KCNN2: variants seen among roughly 807,000 people sequenced by gnomAD.
KCNN2 encodes the protein small conductance calcium-activated potassium channel protein 2.
KCNN2 carries 24 observed loss-of-function variants against 55.5 expected under a neutral mutation model. The ratio of observed to expected loss-of-function variants is 0.43; its 90% CI spans 0.31 to 0.61. KCNN2 has a LOEUF of 0.61. KCNN2 is among the 20% of genes least tolerant of loss of function. KCNN2 has a pLI of 0.08. For missense variants in KCNN2, 754 were observed against 853.6 expected, an observed-to-expected ratio of 0.88 and a Z score of 1.45; for synonymous variants, 431 against 336.1, an observed-to-expected ratio of 1.28 and a Z score of -3.09.
chr5:114,150,289 C>T (rs919063898), intron 1 of KCNN2, among the ~76,000 whole-genome samples: 11 of 152,088 alleles, frequency 7.2e-5, no homozygotes, highest in African/African-American at 2.7e-4. Flanking sequence ...GGTACTGGTA[C>T]CAAAACAGAG....
At chr5:114,114,559 A>G (rs1751675086) in intron 1 of KCNN2, among the ~76,000 whole-genome samples, 1 of 152,042 alleles carries the variant, frequency 6.6e-6, no homozygotes, top group African/African-American at 2.4e-5. Context: ...GGTACTGTTA[A>G]AGGTTCTAGG....
chr5:114,458,635 C>T (rs918929101), intron 3 of KCNN2, among the ~76,000 whole-genome samples: 2 of 152,142 alleles, frequency 1.3e-5, no homozygotes, highest in Admixed American at 6.6e-5. Context: ...TTTATAATTT[C>T]GATTCTAAGG....
intron 2 of KCNN2, among the ~76,000 whole-genome samples, chr5:114,221,869 AAGTAT>A (rs2112593452): frequency 6.6e-6 from 1 of 152,312 alleles, no homozygotes; most frequent in South Asian, 2.1e-4. Flanking sequence ...TGGTGAGATT[AAGTAT>A]CAGAAAATAT....
At chr5:114,228,457 G>A (rs1031825427) in intron 2 of KCNN2, among the ~76,000 whole-genome samples, 1 of 152,026 alleles carries the variant, frequency 6.6e-6, no homozygotes, top group African/African-American at 2.4e-5. Flanking sequence ...AGTTTAAAAT[G>A]TATAACTTTT....
intron 1 of KCNN2, among the ~76,000 whole-genome samples, chr5:114,135,201 C>T (rs776993816): frequency 6.6e-6 from 1 of 151,926 alleles, no homozygotes; most frequent in African/African-American, 2.4e-5. Flanking sequence ...GAATTGTTAA[C>T]CTTAGATGTC....
At chr5:114,269,516 G>C (rs1755278972) in intron 2 of KCNN2, among the ~76,000 whole-genome samples, 2 of 149,794 alleles carry the variant, frequency 1.3e-5, no homozygotes, top group Admixed American at 6.6e-5. Flanking sequence ...TTTTGGTGCT[G>C]GGTTGGGGGA....
intron 2 of KCNN2, among the ~76,000 whole-genome samples, chr5:114,396,490 G>A (rs576422241): frequency 5.5e-4 from 84 of 151,896 alleles, no homozygotes; most frequent in African/African-American, 2.0e-3. Flanking sequence ...ATTGTGTGTC[G>A]GGGGGTTTGG....
chr5:114,388,299 T>C (rs1200448647), intron 2 of KCNN2, among the ~76,000 whole-genome samples: 1 of 152,214 alleles, frequency 6.6e-6, no homozygotes, highest in Non-Finnish European at 1.5e-5. Context: ...TTTCTTTCTC[T>C]GGCATTTTAG....
At chr5:114,175,546 ATTT>A (rs1753117890) in intron 1 of KCNN2, among the ~76,000 whole-genome samples, 1 of 152,138 alleles carries the variant, frequency 6.6e-6, no homozygotes, top group South Asian at 2.1e-4. Flanking sequence ...TGATAGTATT[ATTT>A]TTATGCTGAA....
chr5:114,322,176 T>C (rs1756626840), intron 2 of KCNN2, among the ~76,000 whole-genome samples: 1 of 152,208 alleles, frequency 6.6e-6, no homozygotes. Context: ...TCAAAATTAG[T>C]TTATTTGTAG....
intron 3 of KCNN2, among the ~76,000 whole-genome samples, chr5:114,440,357 G>A (rs1463381482): frequency 6.6e-6 from 1 of 152,030 alleles, no homozygotes; most frequent in African/African-American, 2.4e-5. Context: ...GCAAAATAAA[G>A]GCATTAGGTA....
At chr5:114,380,847 G>A (rs754542272) in intron 2 of KCNN2, among the ~76,000 whole-genome samples, 12 of 152,162 alleles carry the variant, frequency 7.9e-5, no homozygotes, top group Admixed American at 3.3e-4. Flanking sequence ...TATTACAGTA[G>A]CACTTATCAG....
At chr5:114,388,244 CCTTT>C (rs1319829703) in intron 2 of KCNN2, among the ~76,000 whole-genome samples, 11 of 152,070 alleles carry the variant, frequency 7.2e-5, no homozygotes, top group Admixed American at 7.2e-4. Context: ...CTATCTTTCT[CCTTT>C]CTTTCCTTAT....
chr5:114,106,265 G>C (rs945271747), intron 1 of KCNN2, among the ~76,000 whole-genome samples: 4 of 151,424 alleles, frequency 2.6e-5, no homozygotes, highest in African/African-American at 9.7e-5. Context: ...GAATGTTTGG[G>C]CTGTTTTCAG....
intron 1 of KCNN2, among the ~76,000 whole-genome samples, chr5:114,194,001 T>C (rs1410931657): frequency 1.3e-5 from 2 of 152,162 alleles, no homozygotes; most frequent in Non-Finnish European, 2.9e-5. Flanking sequence ...TCATCTTGAC[T>C]GAAATAAACC....
At chr5:114,481,225 A>C (rs1762209416) in intron 5 of KCNN2, among the ~76,000 whole-genome samples, 1 of 152,184 alleles carries the variant, frequency 6.6e-6, no homozygotes, top group South Asian at 2.1e-4. Context: ...AGAGAGCCAA[A>C]TCATGAATGA....
chr5:114,078,027 A>G (rs1750720747), intron 1 of KCNN2, among the ~76,000 whole-genome samples: 1 of 152,202 alleles, frequency 6.6e-6, no homozygotes, highest in African/African-American at 2.4e-5. Context: ...CTGTAAAAAT[A>G]TTACTTGAGG....
intron 3 of KCNN2, among the ~76,000 whole-genome samples, chr5:114,440,913 CT>C (rs55879228): frequency 0.59 from 89,222 of 151,602 alleles, 27,595 homozygotes; most frequent in East Asian, 0.84. Context: ...AAATGATATT[CT>C]TTTTTTTATT....
intron 1 of KCNN2, among the ~76,000 whole-genome samples, chr5:114,363,602 C>G (rs1757513627): frequency 6.6e-6 from 1 of 152,232 alleles, no homozygotes. Context: ...CTCTCTTGAA[C>G]TCAGAAGTAA....
Sources: allele counts gnomAD v4.1 joint callset (sites outside exome capture counted in the v4.1 genomes callset), GRCh38; gene constraint gnomAD v4.1.1; transcripts MANE v1.5; gene names NCBI Gene and HGNC (gene_info 2026-07-23, HGNC 2026-07-21).